C12orf54: variants seen among roughly 807,000 people sequenced by gnomAD.
The protein encoded by C12orf54 is chromosome 12 open reading frame 54, also known as uncharacterized protein C12orf54.
C12orf54 carries 24 observed loss-of-function variants against 26.4 expected under a neutral mutation model. The ratio of observed to expected loss-of-function variants is 0.91; its 90% CI spans 0.66 to 1.28. The LOEUF (loss-of-function observed/expected upper bound fraction) is 1.28. Ranked by LOEUF, C12orf54 falls within the 50% of genes most tolerant of loss-of-function variation. The pLI is 0.00. For synonymous variants in C12orf54, 54 were observed against 47.0 expected (o/e 1.15, Z -0.61); for missense variants, 154 against 150.9 (o/e 1.02, Z -0.11).
At chr12:48,427,447 C>T in the C12orf54 span, among the ~76,000 whole-genome samples, 35 of 152,120 alleles carry the variant, frequency 2.3e-4, no homozygotes, top group African/African-American at 7.7e-4. Flanking sequence ...GTGGTGGATT[C>T]GCTTTTTAAT....
the C12orf54 span, among the ~76,000 whole-genome samples, chr12:48,421,746 T>C: frequency 5.3e-5 from 8 of 151,990 alleles, no homozygotes; most frequent in Non-Finnish European, 1.0e-4. Flanking sequence ...GCCAGGTTGG[T>C]CTTGAACTCC....
chr12:48,464,084 A>G, the C12orf54 span, among the ~76,000 whole-genome samples: 3 of 152,106 alleles, frequency 2.0e-5, no homozygotes, highest in Admixed American at 2.0e-4. Context: ...AAGAGCAATC[A>G]GGAAAGAGAA....
At chr12:48,470,283 G>T in the C12orf54 span, among the ~76,000 whole-genome samples, 2 of 152,324 alleles carry the variant, frequency 1.3e-5, no homozygotes, top group Admixed American at 1.3e-4. Flanking sequence ...GCTTTCCACA[G>T]TGGCTGAACT....
the C12orf54 span, among the ~76,000 whole-genome samples, chr12:48,437,272 T>C: frequency 0.31 from 47,021 of 151,888 alleles, 7,797 homozygotes; most frequent in African/African-American, 0.35. Context: ...GCTTACCAAC[T>C]AAAAAAAGTC....
At chr12:48,417,251 A>T in the C12orf54 span, 2 of 152,282 alleles carry the variant, frequency 1.3e-5, no homozygotes, top group African/African-American at 4.8e-5. Context: ...ACTCCCAGGA[A>T]CAGCACAAAT....
chr12:48,462,656 T>C, the C12orf54 span, among the ~76,000 whole-genome samples: 1 of 151,784 alleles, frequency 6.6e-6, no homozygotes, highest in East Asian at 1.9e-4. Context: ...AGAAAAAGCA[T>C]TTGACAAAAT....
Position 48,490,754 on chromosome 12 carries a change from G to A in C12orf54, c.169-58G>A, listed in dbSNP as rs371952783. 1.9e-5 allele frequency: 31 copies of A among 1,593,604 alleles called. No homozygotes were observed. The African/African-American group carries it at 3.4e-4, about 17-fold the overall frequency. ...TGACCAAGTCTATAGCTAATACAGTGCAGGTCTGCAGGAGACCAGCCCCCA... is the reference window on the plus strand; with the variant it reads ...TGACCAAGTCTATAGCTAATACAGTACAGGTCTGCAGGAGACCAGCCCCCA... On this transcript the variant is annotated intron_variant, in intron 5 of 8. Coordinates refer to ENST00000548364, the MANE Select transcript of C12orf54 (RefSeq NM_152319.4).
chr12:48,420,848 C>A, the C12orf54 span, among the ~76,000 whole-genome samples: 2 of 152,108 alleles, frequency 1.3e-5, no homozygotes, highest in Non-Finnish European at 2.9e-5. Flanking sequence ...GTCTACCTTG[C>A]CTGTTTGATA....
the C12orf54 span, among the ~76,000 whole-genome samples, chr12:48,475,657 T>C: frequency 1.3e-5 from 2 of 152,040 alleles, no homozygotes; most frequent in African/African-American, 4.8e-5. Context: ...TGATGGAAGA[T>C]GAAATGAATG....
chr12:48,435,929 G>T, the C12orf54 span, among the ~76,000 whole-genome samples: 1 of 152,118 alleles, frequency 6.6e-6, no homozygotes, highest in Non-Finnish European at 1.5e-5. Context: ...AAATGTAAAT[G>T]GGCTAAATGC....
the C12orf54 span, among the ~76,000 whole-genome samples, chr12:48,418,243 A>G: frequency 6.6e-6 from 1 of 152,204 alleles, no homozygotes; most frequent in African/African-American, 2.4e-5. Context: ...GAAGGCAGGA[A>G]TTGTAGTGTC....
At chr12:48,470,038 G>A in the C12orf54 span, among the ~76,000 whole-genome samples, 1 of 152,142 alleles carries the variant, frequency 6.6e-6, no homozygotes, top group South Asian at 2.1e-4. Context: ...TCATTTTTAT[G>A]GCTACATGCT....
Position 48,494,820 on chromosome 12 carries a change from T to A in C12orf54, c.265T>A (p.Leu89Met). The A allele has an allele frequency of 6.2e-7, 1 of 1,613,944 alleles. No individual in the cohort carries two copies. Among genetic ancestry groups the A allele is most frequent in the Non-Finnish European group, 8.5e-7 (1 of 1,179,794 alleles). The change falls in exon 8 of 9, where the codon TTG (leucine) becomes ATG (methionine). Residue 89 changes from leucine to methionine, a missense_variant. Physicochemically the swap from Leu to Met is conservative, Grantham distance 15. Coordinates refer to ENST00000548364, the MANE Select transcript of C12orf54 (RefSeq NM_152319.4). ...CAGAAGCATAAGGCCTCCAGATTCC[T>A]TGATGACCCCAAAGTTGAGAAGATT... ...RTGSIRPPDSLMTPKLRRLQF... is the reference protein window; with the variant it reads ...RTGSIRPPDSMMTPKLRRLQF...
intron 4 of C12orf54, chr12:48,488,236 A>G (rs1428260439): frequency 4.5e-6 from 3 of 666,108 alleles, no homozygotes; most frequent in Non-Finnish European, 5.6e-6. Flanking sequence ...TGCCGCAGCC[A>G]TCCAGAGACT....
chr12:48,428,495 T>A, the C12orf54 span, among the ~76,000 whole-genome samples: 17 of 152,160 alleles, frequency 1.1e-4, no homozygotes, highest in South Asian at 8.3e-4. Flanking sequence ...ATATTACAAC[T>A]GACACCATAG....
chr12:48,483,435 G>C, intron 2 of C12orf54, 74 bp downstream of exon 2: 2 of 1,402,854 alleles, frequency 1.4e-6, no homozygotes, highest in Non-Finnish European at 2.0e-6. Flanking sequence ...AGGGCCTCCT[G>C]TCTTCTATGG....
chr12:48,437,279 AG>A, the C12orf54 span, among the ~76,000 whole-genome samples: 2 of 152,212 alleles, frequency 1.3e-5, no homozygotes, highest in Non-Finnish European at 2.9e-5. Context: ...AACTAAAAAA[AG>A]TCCGGGACCA....
chr12:48,486,294 C>T, intron 3 of C12orf54, 86 bp downstream of exon 3: 1 of 1,376,944 alleles, frequency 7.3e-7, no homozygotes, highest in Non-Finnish European at 1.0e-6. Context: ...AGACAGGAGG[C>T]CAAAAAAAAA....
intron 7 of C12orf54, among the ~76,000 whole-genome samples, chr12:48,493,429 A>T (rs1442900481): frequency 6.6e-6 from 1 of 152,072 alleles, no homozygotes; most frequent in African/African-American, 2.4e-5. Context: ...TGAGCCCAGG[A>T]GTTCGACACA....
Sources: gnomAD v4.1 joint callset for allele counts (sites outside exome capture counted in the v4.1 genomes callset) on GRCh38, gnomAD v4.1.1 for gene constraint, MANE v1.5 for transcripts, NCBI Gene and HGNC (gene_info 2026-07-23, HGNC 2026-07-21) for gene names.